DGLUCY: variants seen among roughly 807,000 people sequenced by gnomAD.
The protein encoded by DGLUCY is D-glutamate cyclase, mitochondrial.
DGLUCY carries 58 observed loss-of-function variants against 58.5 expected under a neutral mutation model. The ratio of observed to expected loss-of-function variants is 0.99; its 90% CI spans 0.80 to 1.23. The LOEUF (loss-of-function observed/expected upper bound fraction) is 1.23. Among genes scored for constraint, DGLUCY ranks in the 50% most tolerant of loss-of-function variants. The pLI is 0.00. For missense variants in DGLUCY, 779 were observed against 784.7 expected (o/e 0.99, Z 0.09); for synonymous variants, 325 against 314.1 (o/e 1.03, Z -0.37).
intron 1 of DGLUCY, among the ~76,000 whole-genome samples, chr14:91,075,368 C>T (rs1221308366): frequency 6.6e-6 from 1 of 152,058 alleles, no homozygotes; most frequent in African/African-American, 2.4e-5. Flanking sequence ...GTCTCGAACC[C>T]CTGGCCTCAA....
chr14:91,145,872 T>C (rs2046988803), intron 1 of DGLUCY, among the ~76,000 whole-genome samples: 1 of 152,060 alleles, frequency 6.6e-6, no homozygotes, highest in Admixed American at 6.6e-5. Context: ...TCCTTTTCCC[T>C]CTTTAATTTT....
At chr14:91,171,386 TTCACTGACCCCGATGCTTA>T (rs1173103746) in intron 5 of DGLUCY, among the ~76,000 whole-genome samples, 2 of 152,210 alleles carry the variant, frequency 1.3e-5, no homozygotes, top group Non-Finnish European at 2.9e-5. Context: ...TCAACAGGGC[TTCACTGACCCCGATGCTTA>T]TCAAATAGCT....
intron 12 of DGLUCY, among the ~76,000 whole-genome samples, chr14:91,207,011 AGCC>A (rs1884815337): frequency 6.6e-6 from 1 of 152,024 alleles, no homozygotes; most frequent in Non-Finnish European, 1.5e-5. Context: ...TTTAAAAATT[AGCC>A]AGGTGTCGTG....
chr14:91,120,490 C>T (rs1045348460), intron 1 of DGLUCY, among the ~76,000 whole-genome samples: 1 of 152,160 alleles, frequency 6.6e-6, no homozygotes, highest in Non-Finnish European at 1.5e-5. Context: ...CTGCAACCTG[C>T]AGCCTCTACC....
At chr14:91,215,019 C>A (rs906983656) in intron 12 of DGLUCY, among the ~76,000 whole-genome samples, 10 of 152,034 alleles carry the variant, frequency 6.6e-5, no homozygotes, top group African/African-American at 2.4e-4. Flanking sequence ...CATGGTGGCA[C>A]ACACCTGTAG....
At chr14:91,126,416 A>C in intron 1 of DGLUCY, 2 of 174,358 alleles carry the variant, frequency 1.1e-5, no homozygotes, top group Non-Finnish European at 2.4e-5. Flanking sequence ...TCTTATAATT[A>C]CATGTGTTGG....
At chr14:91,078,876 T>TTTTATTTA (rs34232625) in intron 1 of DGLUCY, among the ~76,000 whole-genome samples, 49,105 of 136,362 alleles carry the variant, frequency 0.36, 8,884 homozygotes, top group Middle Eastern at 0.4. Context: ...TATTTTTAAT[T>TTTTATTTA]TTTATTTATT....
chr14:91,162,133 T>C (rs1465238073), intron 3 of DGLUCY, among the ~76,000 whole-genome samples: 2 of 152,060 alleles, frequency 1.3e-5, no homozygotes, highest in Non-Finnish European at 2.9e-5. Flanking sequence ...AGTGGGACTG[T>C]CGGGAGGGGC....
chr14:91,106,315 C>A (rs1421815857), upstream of DGLUCY, among the ~76,000 whole-genome samples: 2 of 151,210 alleles, frequency 1.3e-5, no homozygotes, highest in African/African-American at 4.9e-5. Flanking sequence ...TCCCTACCCC[C>A]CCCCAAAAAA....
chr14:91,164,096 C>T (rs375069004), intron 3 of DGLUCY, among the ~76,000 whole-genome samples: 18 of 152,130 alleles, frequency 1.2e-4, no homozygotes, highest in African/African-American at 3.6e-4. Flanking sequence ...ATTACAGGCA[C>T]GTGCCACCAT....
At chr14:91,092,138 T>C (rs2044321938) in intron 1 of DGLUCY, among the ~76,000 whole-genome samples, 1 of 152,212 alleles carries the variant, frequency 6.6e-6, no homozygotes, top group South Asian at 2.1e-4. Context: ...CCTGATGACT[T>C]CAGCCCATGT....
In DGLUCY at chr14:91,225,129, G is replaced by A. The variant is rs1888024161; in HGVS notation, c.*296G>A. On this transcript the variant is annotated 3_prime_UTR_variant, in exon 14 of 14. Coordinates refer to ENST00000256324, the MANE Select transcript of DGLUCY (RefSeq NM_001102368.3). ...TCAGGCAACCCACGTGGTCTCCTGTGAGAATCTTCTCGACAGTTACTTATG... is the reference window on the plus strand; with the variant it reads ...TCAGGCAACCCACGTGGTCTCCTGTAAGAATCTTCTCGACAGTTACTTATG... 2 of 240,470 alleles carry A rather than the reference G, an allele frequency of 8.3e-6. No individual in the cohort carries two copies. Among genetic ancestry groups the A allele is most frequent in the Non-Finnish European group, 1.6e-5 (2 of 124,794 alleles). The allele number at this position is 240,470 out of a possible 1,614,324, so 14.9% of individuals were successfully genotyped here.
chr14:91,134,268 G>A (rs922140186), intron 1 of DGLUCY, among the ~76,000 whole-genome samples: 6 of 152,088 alleles, frequency 3.9e-5, no homozygotes, highest in African/African-American at 7.2e-5. Flanking sequence ...ACAACATTGC[G>A]TCTTTCTGTC....
chr14:91,222,617 C>T (rs781140350), intron 13 of DGLUCY, among the ~76,000 whole-genome samples: 1 of 152,222 alleles, frequency 6.6e-6, no homozygotes, highest in Non-Finnish European at 1.5e-5. Context: ...TGCAGGCTCT[C>T]AGGCCAGCTG....
At chr14:91,176,748 C>G (rs1318904021) in intron 7 of DGLUCY, among the ~76,000 whole-genome samples, 1 of 152,010 alleles carries the variant, frequency 6.6e-6, no homozygotes, top group Admixed American at 6.6e-5. Context: ...ATTACAGGTG[C>G]ATGCCACCAC....
intron 1 of DGLUCY, among the ~76,000 whole-genome samples, chr14:91,136,762 A>T (rs994036787): frequency 6.6e-6 from 1 of 152,018 alleles, no homozygotes; most frequent in African/African-American, 2.4e-5. Flanking sequence ...TGAAGTCAGG[A>T]GTTTGAGACC....
chr14:91,165,358 C>G, intron 3 of DGLUCY: 1 of 434,670 alleles, frequency 2.3e-6, no homozygotes. Context: ...TTGCTGCCAT[C>G]TTATAGATGG....
At chr14:91,203,061 C>T (rs2050671389) in intron 11 of DGLUCY, among the ~76,000 whole-genome samples, 4 of 152,236 alleles carry the variant, frequency 2.6e-5, no homozygotes, top group Admixed American at 2.6e-4. Flanking sequence ...ACTGACTGCC[C>T]AGGTACTGCC....
chr14:91,111,891 T>TA (rs2044708238), upstream of DGLUCY, among the ~76,000 whole-genome samples: 1 of 152,230 alleles, frequency 6.6e-6, no homozygotes, highest in African/African-American at 2.4e-5. Context: ...GTTGTTTACC[T>TA]ACTCATCTGT....
Sources: allele counts gnomAD v4.1 joint callset (sites outside exome capture counted in the v4.1 genomes callset), GRCh38; gene constraint gnomAD v4.1.1; transcripts MANE v1.5; gene names NCBI Gene and HGNC (gene_info 2026-07-23, HGNC 2026-07-21).